The following NKAIN2 variants were observed in gnomAD, a reference collection of about 807,000 sequenced individuals.
The protein encoded by NKAIN2 is sodium/potassium transporting ATPase interacting 2, also known as sodium/potassium-transporting ATPase subunit beta-1-interacting protein 2.
NKAIN2 carries 14 observed loss-of-function variants against 32.6 expected under a neutral mutation model. The observed-to-expected ratio is 0.43, with a 90% confidence interval of 0.28 to 0.67. The LOEUF is 0.67. Ranked by LOEUF, NKAIN2 falls within the 30% of genes least tolerant of loss-of-function variation. The pLI is 0.17. For synonymous variants in NKAIN2, 80 were observed against 87.2 expected (o/e 0.92, Z 0.46); for missense variants, 198 against 258.3 (o/e 0.77, Z 1.60).
At chr6:123,952,199 C>T (rs1337444204) in intron 1 of NKAIN2, among the ~76,000 whole-genome samples, 2 of 152,052 alleles carry the variant, frequency 1.3e-5, no homozygotes, top group Non-Finnish European at 2.9e-5. Context: ...ATTTTTCTTT[C>T]AGCACTTTGA....
At position 124,330,568 on chromosome 6, in the gene NKAIN2, A is replaced by C. The variant is rs143597381; in HGVS notation, c.193-24699A>C. Among the ~76,000 whole-genome samples the C allele has an allele frequency of 4.7e-4, 72 of 152,284 alleles. 2 individuals carry two copies. In the East Asian group the frequency reaches 0.013, roughly 28 times the overall value. ...CTGAAGGAGTGCATAACCATGAGAC[A>C]CCTTACTTTGGCTAAGGGTAATTCC... On this transcript the variant is annotated intron_variant, in intron 2 of 6. Transcript: ENST00000368417.
At chr6:124,126,754 A>G (rs921352051) in intron 1 of NKAIN2, among the ~76,000 whole-genome samples, 7 of 152,310 alleles carry the variant, frequency 4.6e-5, no homozygotes, top group East Asian at 1.9e-4. Context: ...TGAAAATTCA[A>G]TGCAAGCCTG....
chr6:124,343,994 A>G (rs376165062), intron 2 of NKAIN2, among the ~76,000 whole-genome samples: 2 of 151,784 alleles, frequency 1.3e-5, no homozygotes, highest in Non-Finnish European at 2.9e-5. Flanking sequence ...AATCCATCTT[A>G]AATTAATTTT....
chr6:124,576,529 G>A (rs1260417077), intron 3 of NKAIN2, among the ~76,000 whole-genome samples: 1 of 152,148 alleles, frequency 6.6e-6, no homozygotes, highest in Non-Finnish European at 1.5e-5. Context: ...GCACTATTAA[G>A]AATCGTTTTA....
At chr6:123,862,662 C>T (rs914752891) in intron 1 of NKAIN2, among the ~76,000 whole-genome samples, 4 of 152,098 alleles carry the variant, frequency 2.6e-5, no homozygotes, top group African/African-American at 9.7e-5. Flanking sequence ...TTTCCTTATG[C>T]CTTACTTTTG....
intron 4 of NKAIN2, among the ~76,000 whole-genome samples, chr6:124,735,512 G>C: frequency 6.6e-6 from 1 of 151,842 alleles, no homozygotes; most frequent in Middle Eastern, 3.2e-3. Context: ...AACAAATATA[G>C]ACATATCTTG....
intron 2 of NKAIN2, among the ~76,000 whole-genome samples, chr6:124,328,658 A>T (rs1217082311): frequency 2.0e-5 from 3 of 152,194 alleles, no homozygotes; most frequent in Non-Finnish European, 4.4e-5. Context: ...GGCTCTCTAA[A>T]GCCATGGGGG....
chr6:124,199,226 A>G (rs1170764943), intron 1 of NKAIN2, among the ~76,000 whole-genome samples: 1 of 152,188 alleles, frequency 6.6e-6, no homozygotes, highest in Non-Finnish European at 1.5e-5. Flanking sequence ...CTGGTCTTTT[A>G]AAAAAGATTT....
At chr6:124,193,214 C>T (rs1055482894) in intron 1 of NKAIN2, among the ~76,000 whole-genome samples, 2 of 152,210 alleles carry the variant, frequency 1.3e-5, no homozygotes, top group South Asian at 4.1e-4. Flanking sequence ...GCGAGGGCCC[C>T]TTGGGCCCAT....
At chr6:124,672,022 AAG>A (rs1009289321) in intron 4 of NKAIN2, among the ~76,000 whole-genome samples, 29 of 151,966 alleles carry the variant, frequency 1.9e-4, no homozygotes, top group Non-Finnish European at 2.5e-4. Context: ...AAAAACAAAA[AAG>A]AGAGAAGAAA....
rs145597895 is a variant in NKAIN2 at position 124,091,529 on chromosome 6, G to A, written c.55-191476G>A. 7.4e-3 allele frequency among the ~76,000 whole-genome samples: 1,126 copies of A among 152,054 alleles called. 10 individuals are homozygous for A. The highest frequency in any genetic ancestry group is 0.031 in the Middle Eastern group (9 of 294). Reference sequence around the variant, plus strand: ...CATTGATTTTCCATCAAAGACCAGGGAATCTGAAAATAATACATACATTTT... The same window carrying A: ...CATTGATTTTCCATCAAAGACCAGGAAATCTGAAAATAATACATACATTTT... On this transcript the variant is annotated intron_variant, in intron 1 of 6. Transcript: ENST00000368417.
chr6:124,660,459 A>G (rs920022353), intron 4 of NKAIN2, among the ~76,000 whole-genome samples: 2 of 152,218 alleles, frequency 1.3e-5, no homozygotes, highest in African/African-American at 4.8e-5. Context: ...AGAAAAGATA[A>G]TTTTCCTTAA....
rs76334971 is a variant in NKAIN2 at position 124,823,305 on chromosome 6, A to G, written c.*76A>G. 612 of 986,332 alleles carry G rather than the reference A, an allele frequency of 6.2e-4. 2 individuals carry two copies. In the African/African-American group the frequency reaches 8.8e-3, roughly 14 times the overall value. The allele number at this position is 986,332 out of a possible 1,614,324, so 61.1% of individuals were successfully genotyped here. On this transcript the variant is annotated 3_prime_UTR_variant, in exon 7 of 7. Coordinates refer to ENST00000368417, the MANE Select transcript of NKAIN2 (RefSeq NM_001040214.3). Reference sequence around the variant, plus strand: ...CGCAGTGGCCTCCTGCATTTCATGAAGAGCAAGAAGCAACTGAGTTTAAAT... The same window carrying G: ...CGCAGTGGCCTCCTGCATTTCATGAGGAGCAAGAAGCAACTGAGTTTAAAT...
chr6:124,635,253 A>C (rs1238877069), intron 3 of NKAIN2, among the ~76,000 whole-genome samples: 1 of 151,976 alleles, frequency 6.6e-6, no homozygotes, highest in Non-Finnish European at 1.5e-5. Flanking sequence ...TTTATCTTAA[A>C]GTTAAAGGAT....
At chr6:124,173,067 A>G (rs1788974963) in intron 1 of NKAIN2, among the ~76,000 whole-genome samples, 2 of 152,144 alleles carry the variant, frequency 1.3e-5, no homozygotes. Context: ...ATTGGGGATT[A>G]TCTGAAGTCT....
At chr6:123,863,855 A>AT (rs984789814) in intron 1 of NKAIN2, among the ~76,000 whole-genome samples, 33 of 151,072 alleles carry the variant, frequency 2.2e-4, no homozygotes, top group African/African-American at 5.3e-4. Flanking sequence ...ACCAAAGCTC[A>AT]TTTTTTTTTC....
intron 1 of NKAIN2, among the ~76,000 whole-genome samples, chr6:124,059,683 A>C (rs184153296): frequency 3.0e-4 from 45 of 152,236 alleles, no homozygotes. Flanking sequence ...GGTTCCATCC[A>C]CTGCTCTTCA....
At chr6:124,302,212 T>C (rs1025491757) in intron 2 of NKAIN2, among the ~76,000 whole-genome samples, 2 of 152,234 alleles carry the variant, frequency 1.3e-5, no homozygotes, top group Non-Finnish European at 2.9e-5. Context: ...CTCCTTCACC[T>C]TCTGACTTGA....
intron 1 of NKAIN2, among the ~76,000 whole-genome samples, chr6:124,100,098 G>A (rs1784811450): frequency 1.3e-5 from 2 of 152,178 alleles, no homozygotes; most frequent in African/African-American, 2.4e-5. Flanking sequence ...ATTGAACACA[G>A]TTTATTCTTT....
Sources: gnomAD v4.1 joint callset for allele counts (sites outside exome capture counted in the v4.1 genomes callset) on GRCh38, gnomAD v4.1.1 for gene constraint, MANE v1.5 for transcripts, NCBI Gene and HGNC (gene_info 2026-07-23, HGNC 2026-07-21) for gene names.